Variants in NCKAP5 observed in about 807,000 individuals in gnomAD.
NCKAP5 encodes nck-associated protein 5.
In NCKAP5, 92 loss-of-function variants were observed where a neutral mutation model predicts 167.0. The observed-to-expected ratio is 0.55, with a 90% CI of 0.47 to 0.66. NCKAP5 has a LOEUF of 0.66. Among genes scored for constraint, NCKAP5 ranks in the 30% least tolerant of loss-of-function variants. The pLI, the probability that NCKAP5 is intolerant of heterozygous loss-of-function variation, is 0.00. For synonymous variants in NCKAP5, 891 were observed against 877.4 expected (o/e 1.02, Z -0.27); for missense variants, 2,378 against 2,315.0 (o/e 1.03, Z -0.56).
At chr2:132,676,777 T>C (rs1302404213) in intron 19 of NCKAP5, among the ~76,000 whole-genome samples, 15 of 152,178 alleles carry the variant, frequency 9.9e-5, no homozygotes, top group Admixed American at 9.8e-4. Flanking sequence ...CTGCTAAGCA[T>C]AGTGCATAGA....
chr2:133,448,359 T>C (rs533706912), intron 3 of NCKAP5, among the ~76,000 whole-genome samples: 1 of 152,152 alleles, frequency 6.6e-6, no homozygotes, highest in African/African-American at 2.4e-5. Context: ...AGGAAGCTCA[T>C]GTATTTCATT....
intron 5 of NCKAP5, among the ~76,000 whole-genome samples, chr2:133,160,083 A>C (rs1352371598): frequency 6.6e-6 from 1 of 152,202 alleles, no homozygotes; most frequent in African/African-American, 2.4e-5. Context: ...TTAGTTTTCT[A>C]AGGCTGCTGT....
chr2:133,086,406 G>A (rs1351992248), intron 6 of NCKAP5, among the ~76,000 whole-genome samples: 1 of 152,166 alleles, frequency 6.6e-6, no homozygotes, highest in Non-Finnish European at 1.5e-5. Flanking sequence ...GGGAGAACGA[G>A]GTAGGAGGAT....
chr2:133,639,274 G>A, the NCKAP5 span, among the ~76,000 whole-genome samples: 1 of 152,248 alleles, frequency 6.6e-6, no homozygotes, highest in East Asian at 1.9e-4. Context: ...CAATAAATTT[G>A]ATAAGGCTTA....
intron 5 of NCKAP5, among the ~76,000 whole-genome samples, chr2:133,207,767 A>G (rs2086019858): frequency 6.6e-6 from 1 of 152,246 alleles, no homozygotes; most frequent in Admixed American, 6.5e-5. Flanking sequence ...GCAAAGTATA[A>G]AATAAATACC....
At chr2:132,948,211 G>T (rs182854674) in intron 8 of NCKAP5, among the ~76,000 whole-genome samples, 17 of 152,122 alleles carry the variant, frequency 1.1e-4, no homozygotes, top group African/African-American at 3.1e-4. Context: ...ACTCTTCCTG[G>T]TGCAGTGGTA....
intron 3 of NCKAP5, among the ~76,000 whole-genome samples, chr2:133,426,506 TA>T (rs1689816494): frequency 6.7e-6 from 1 of 149,074 alleles, no homozygotes; most frequent in South Asian, 2.1e-4. Context: ...CAGCATCATC[TA>T]ATACCAAAAT....
chr2:132,787,347 CA>C (rs34393093), intron 13 of NCKAP5, among the ~76,000 whole-genome samples: 46,386 of 104,520 alleles, frequency 0.44, 7,600 homozygotes, highest in East Asian at 0.68. Flanking sequence ...GACTCCGTTT[CA>C]AAAAAAAAAA....
intron 16 of NCKAP5, among the ~76,000 whole-genome samples, chr2:132,751,325 A>G (rs1680094844): frequency 6.6e-6 from 1 of 152,074 alleles, no homozygotes; most frequent in African/African-American, 2.4e-5. Context: ...GCCTTCCAGC[A>G]TGAGTGGAGG....
chr2:133,516,464 A>G (rs2151436590), intron 3 of NCKAP5, among the ~76,000 whole-genome samples: 1 of 152,328 alleles, frequency 6.6e-6, no homozygotes, highest in African/African-American at 2.4e-5. Flanking sequence ...TAAGGAGAGA[A>G]GAACTTGACA....
the NCKAP5 span, among the ~76,000 whole-genome samples, chr2:133,655,096 C>G: frequency 6.6e-6 from 1 of 152,188 alleles, no homozygotes; most frequent in Non-Finnish European, 1.5e-5. Context: ...ACTTCCATAG[C>G]TAGTGACATC....
At chr2:132,903,838 T>C (rs1020429) in intron 8 of NCKAP5, among the ~76,000 whole-genome samples, 52,428 of 152,016 alleles carry the variant, frequency 0.34, 11,955 homozygotes, top group African/African-American at 0.62. Context: ...TGAAAGCAAA[T>C]ATTGTTCAAA....
chr2:133,252,347 T>C (rs2088386439), intron 4 of NCKAP5, among the ~76,000 whole-genome samples: 1 of 152,196 alleles, frequency 6.6e-6, no homozygotes, highest in East Asian at 1.9e-4. Context: ...ATGTAACCAT[T>C]CCTAGAAGCA....
At chr2:133,021,521 T>C (rs969177296) in intron 6 of NCKAP5, among the ~76,000 whole-genome samples, 1 of 152,264 alleles carries the variant, frequency 6.6e-6, no homozygotes, top group Admixed American at 6.5e-5. Flanking sequence ...TATAAGTGCA[T>C]ACACATCTAC....
At chr2:132,862,581 C>T (rs1203161136) in intron 10 of NCKAP5, among the ~76,000 whole-genome samples, 3 of 152,054 alleles carry the variant, frequency 2.0e-5, no homozygotes, top group South Asian at 2.1e-4. Context: ...GCCTGGCCAA[C>T]ATGGCAAAAC....
chr2:133,366,929 G>A (rs916612242), intron 3 of NCKAP5, among the ~76,000 whole-genome samples: 4 of 152,040 alleles, frequency 2.6e-5, no homozygotes, highest in East Asian at 1.9e-4. Context: ...ATGAAATTAC[G>A]TTCACCACAG....
intron 3 of NCKAP5, among the ~76,000 whole-genome samples, chr2:133,466,928 C>G (rs1214530611): frequency 6.6e-6 from 1 of 152,178 alleles, no homozygotes; most frequent in Non-Finnish European, 1.5e-5. Flanking sequence ...AATGGGTTTT[C>G]TAGATATACA....
chr2:132,917,344 G>A (rs1039611971), intron 8 of NCKAP5, among the ~76,000 whole-genome samples: 6 of 152,050 alleles, frequency 3.9e-5, no homozygotes, highest in South Asian at 4.2e-4. Flanking sequence ...AGATCCATAC[G>A]TTTGGCTGCT....
chr2:132,839,904 G>T (rs1688177594), intron 11 of NCKAP5, among the ~76,000 whole-genome samples: 1 of 151,498 alleles, frequency 6.6e-6, no homozygotes, highest in Non-Finnish European at 1.5e-5. Flanking sequence ...GTAAGCTAAA[G>T]AAAATATTAC....
Sources: allele counts gnomAD v4.1 joint callset (sites outside exome capture counted in the v4.1 genomes callset), GRCh38; gene constraint gnomAD v4.1.1; transcripts MANE v1.5; gene names NCBI Gene and HGNC (gene_info 2026-07-23, HGNC 2026-07-21).